SETBP1: variants seen among roughly 807,000 people sequenced by gnomAD.
SETBP1 encodes SET-binding protein.
A neutral mutation model predicts 101.0 loss-of-function variants in SETBP1; 9 were observed. That is an observed-to-expected ratio of 0.09 (90% CI 0.05 to 0.16). SETBP1 has a LOEUF of 0.16. SETBP1 is among the 10% of genes least tolerant of loss of function. The pLI is 1.00. For synonymous variants in SETBP1, 818 were observed against 788.5 expected (o/e 1.04, Z -0.63); for missense variants, 1,858 against 2,033.8 (o/e 0.91, Z 1.66).
At chr18:44,876,594 G>A in intron 3 of SETBP1, 1 of 1,551,222 alleles carries the variant, frequency 6.4e-7, no homozygotes, top group Non-Finnish European at 8.7e-7. Context: ...AGGAAGTCTG[G>A]AAGAGAAGAG....
At chr18:44,919,311 A>T (rs1190713062) in intron 3 of SETBP1, among the ~76,000 whole-genome samples, 1 of 150,926 alleles carries the variant, frequency 6.6e-6, no homozygotes, top group African/African-American at 2.4e-5. Flanking sequence ...CAGAAAGGGT[A>T]TCCTTAGCCA....
rs1242685416 is a variant in SETBP1 at position 44,953,268 on chromosome 18, A to G, written c.3928A>G (p.Arg1310Gly). 1.2e-6 allele frequency: 2 copies of G among 1,614,020 alleles called. No homozygotes were observed. The highest frequency in any genetic ancestry group is 2.7e-5 in the African/African-American group (2 of 74,932). ...RRSYEGFGTYREKDIQAFKMN... is the reference protein window; with the variant it reads ...RRSYEGFGTYGEKDIQAFKMN... ...GAGCTATGAAGGCTTTGGAACGTAC[A>G]GGGAAAAGGACATCCAAGCCTTCAA... is the stretch of plus-strand genomic sequence containing the variant. Residue 1310 changes from arginine (R) to glycine (G), a missense_variant, in exon 4 of 6, where the codon AGG (arginine) becomes GGG (glycine). Transcript: ENST00000649279.
At chr18:44,741,761 G>A (rs1048916116) in intron 2 of SETBP1, among the ~76,000 whole-genome samples, 5 of 152,142 alleles carry the variant, frequency 3.3e-5, no homozygotes, top group Admixed American at 2.0e-4. Flanking sequence ...ACTGAGGAGC[G>A]TGAAGCCACT....
chr18:44,962,805 G>A (rs953479889), intron 4 of SETBP1, among the ~76,000 whole-genome samples: 13 of 152,154 alleles, frequency 8.5e-5, no homozygotes, highest in African/African-American at 2.4e-4. Flanking sequence ...CTCTGCTGTG[G>A]TTTCCATGAT....
At chr18:44,757,360 T>A (rs1429711066) in intron 2 of SETBP1, among the ~76,000 whole-genome samples, 1 of 152,222 alleles carries the variant, frequency 6.6e-6, no homozygotes, top group Non-Finnish European at 1.5e-5. Flanking sequence ...GCTCTACCCC[T>A]GCTGGGAATA....
chr18:44,710,308 AAAGTTACTGGGAACCGCTAAGGATAGTC>A (rs2069309980), intron 2 of SETBP1, among the ~76,000 whole-genome samples: 1 of 152,144 alleles, frequency 6.6e-6, no homozygotes, highest in Non-Finnish European at 1.5e-5. Flanking sequence ...CTTTGTTCAG[AAAGTTACTGGGAACCGCTAAGGATAGTC>A]AAGGTGGAGA....
intron 3 of SETBP1, among the ~76,000 whole-genome samples, chr18:44,922,157 AT>A (rs1204645862): frequency 6.6e-6 from 1 of 152,238 alleles, no homozygotes; most frequent in East Asian, 1.9e-4. Flanking sequence ...GTGCTTATAG[AT>A]TAGGATAGTA....
At chr18:44,740,974 A>T (rs1310417484) in intron 2 of SETBP1, among the ~76,000 whole-genome samples, 1 of 152,252 alleles carries the variant, frequency 6.6e-6, no homozygotes, top group East Asian at 1.9e-4. Context: ...TATATCTTGC[A>T]TTGTGGACTA....
intron 3 of SETBP1, among the ~76,000 whole-genome samples, chr18:44,910,239 T>C (rs763776695): frequency 6.6e-6 from 1 of 152,130 alleles, no homozygotes; most frequent in Non-Finnish European, 1.5e-5. Flanking sequence ...ATCATACACA[T>C]TGCTGCTGTT....
chr18:44,886,218 C>A (rs1599276114), intron 3 of SETBP1, among the ~76,000 whole-genome samples: 1 of 152,148 alleles, frequency 6.6e-6, no homozygotes, highest in South Asian at 2.1e-4. Context: ...TCATGTAGCA[C>A]ATGGGAGGTG....
intron 2 of SETBP1, among the ~76,000 whole-genome samples, chr18:44,808,074 C>T (rs1402121879): frequency 6.6e-6 from 1 of 152,202 alleles, no homozygotes. Flanking sequence ...CAAAACCCCA[C>T]CAGCACTCTG....
intron 2 of SETBP1, among the ~76,000 whole-genome samples, chr18:44,817,704 A>G (rs922697258): frequency 1.3e-5 from 2 of 152,036 alleles, no homozygotes; most frequent in African/African-American, 4.8e-5. Context: ...AAAAGAAAAA[A>G]AAAAAGGCTT....
At chr18:44,999,538 A>T (rs1599430328) in intron 4 of SETBP1, among the ~76,000 whole-genome samples, 1 of 152,224 alleles carries the variant, frequency 6.6e-6, no homozygotes, top group African/African-American at 2.4e-5. Flanking sequence ...GAGTACATCC[A>T]TGTCACTGGC....
At chr18:44,751,499 T>C (rs922445212) in intron 2 of SETBP1, among the ~76,000 whole-genome samples, 5 of 152,220 alleles carry the variant, frequency 3.3e-5, no homozygotes, top group African/African-American at 1.2e-4. Flanking sequence ...CAATGAATCA[T>C]ATGGAAATTG....
At chr18:44,686,738 G>A (rs570147615) in intron 1 of SETBP1, among the ~76,000 whole-genome samples, 1 of 152,306 alleles carries the variant, frequency 6.6e-6, no homozygotes, top group South Asian at 2.1e-4. Context: ...CCCTTAGACA[G>A]TGTGAATAAT....
At chr18:44,686,433 G>C (rs1568089514) in intron 1 of SETBP1, among the ~76,000 whole-genome samples, 1 of 152,130 alleles carries the variant, frequency 6.6e-6, no homozygotes. Context: ...GTTGCACCCA[G>C]CCTCCTCTGT....
At chr18:44,716,535 A>G (rs2069468593) in intron 2 of SETBP1, among the ~76,000 whole-genome samples, 1 of 152,108 alleles carries the variant, frequency 6.6e-6, no homozygotes, top group African/African-American at 2.4e-5. Flanking sequence ...GGAACTGTGT[A>G]TCAGAAGCAT....
intron 3 of SETBP1, among the ~76,000 whole-genome samples, chr18:44,928,549 G>T (rs1471166310): frequency 1.3e-5 from 2 of 152,220 alleles, no homozygotes; most frequent in Non-Finnish European, 2.9e-5. Flanking sequence ...CCCACCAACA[G>T]TGTAAAAGCA....
At chr18:45,005,523 G>C (rs1481115739) in intron 4 of SETBP1, among the ~76,000 whole-genome samples, 1 of 152,086 alleles carries the variant, frequency 6.6e-6, no homozygotes, top group Non-Finnish European at 1.5e-5. Context: ...CTCTGTAACA[G>C]TGTTCAGAGG....
Sources: gnomAD v4.1 joint callset for allele counts (sites outside exome capture counted in the v4.1 genomes callset) on GRCh38, gnomAD v4.1.1 for gene constraint, MANE v1.5 for transcripts, NCBI Gene and HGNC (gene_info 2026-07-23, HGNC 2026-07-21) for gene names.